Variants in ZC2HC1B observed in about 807,000 individuals in gnomAD.
ZC2HC1B encodes the protein zinc finger C2HC domain-containing protein 1B.
In ZC2HC1B, 36 loss-of-function variants were observed where a neutral mutation model predicts 31.0. The observed-to-expected ratio is 1.16, with a 90% CI of 0.89 to 1.54. ZC2HC1B has a LOEUF of 1.54. Ranked by LOEUF, ZC2HC1B falls within the 40% of genes most tolerant of loss-of-function variation. ZC2HC1B has a pLI of 0.00. For synonymous variants in ZC2HC1B, 73 were observed against 88.0 expected, an observed-to-expected ratio of 0.83 and a Z score of 0.95; for missense variants, 260 against 268.6, an observed-to-expected ratio of 0.97 and a Z score of 0.22.
intron 4 of ZC2HC1B, among the ~76,000 whole-genome samples, chr6:143,892,085 A>G (rs140214429): frequency 7.2e-4 from 110 of 152,294 alleles, no homozygotes; most frequent in Non-Finnish European, 1.2e-3. Flanking sequence ...TGCTATAAAG[A>G]AATACCTGAG....
intron 1 of ZC2HC1B, among the ~76,000 whole-genome samples, chr6:143,877,408 G>A (rs544969936): frequency 2.1e-5 from 3 of 144,112 alleles, no homozygotes; most frequent in South Asian, 2.3e-4. Context: ...TCAGCCTCCT[G>A]AGTAGCTGGA....
Position 143,865,815 on chromosome 6 carries a change from T to A in ZC2HC1B, c.28+1248T>A, listed in dbSNP as rs554311926. 1.3e-5 allele frequency among the ~76,000 whole-genome samples: 2 copies of A among 152,118 alleles called. No individual in the cohort carries two copies. Among genetic ancestry groups the A allele is most frequent in the Non-Finnish European group, 2.9e-5 (2 of 68,002 alleles). On this transcript the variant is annotated intron_variant, in intron 1 of 7. Transcript: ENST00000237275. This position sits in a 1 kb window ranked among gnomAD's most constrained non-coding sequence, Gnocchi z 4.4. ...GGCAAAATCTTGAAGAATTTGTATC[T>A]TAAACTTTTTTTTTTTGCCAAGACA...
Position 143,899,206 on chromosome 6 carries a change from C to T in ZC2HC1B, c.489+515C>T, listed in dbSNP as rs940505463. Among the ~76,000 whole-genome samples the T allele has an allele frequency of 6.6e-5, 10 of 152,186 alleles. No individual in the cohort carries two copies. Among genetic ancestry groups the T allele is most frequent in the African/African-American group, 2.2e-4 (9 of 41,448 alleles). On this transcript the variant is annotated intron_variant, in intron 5 of 7. Coordinates refer to ENST00000237275, the MANE Select transcript of ZC2HC1B (RefSeq NM_001013623.3). This position sits in a 1 kb window ranked among gnomAD's most constrained non-coding sequence, Gnocchi z 5.0. Reference sequence around the variant, plus strand: ...TAGGTGCAAATCAGTAAAATAACAACCTGAAGTGGAAGACAGTAGATTTAT... The same window carrying T: ...TAGGTGCAAATCAGTAAAATAACAATCTGAAGTGGAAGACAGTAGATTTAT...
chr6:143,881,210 G>A (rs1436438559), intron 1 of ZC2HC1B, among the ~76,000 whole-genome samples: 1 of 152,172 alleles, frequency 6.6e-6, no homozygotes, highest in African/African-American at 2.4e-5. Context: ...AGATGGGCTC[G>A]TTTCACCCAG....
intron 6 of ZC2HC1B, among the ~76,000 whole-genome samples, chr6:143,907,128 TGTATG>T (rs1157346932): frequency 6.6e-6 from 1 of 152,242 alleles, no homozygotes; most frequent in Admixed American, 6.5e-5. Flanking sequence ...TTTTTATGGC[TGTATG>T]GTATTCCATG....
chr6:143,906,201 A>C (rs1288454698), intron 6 of ZC2HC1B, among the ~76,000 whole-genome samples: 1 of 152,070 alleles, frequency 6.6e-6, no homozygotes, highest in Non-Finnish European at 1.5e-5. Context: ...TATTAATTCT[A>C]TCTCCTTACT....
intron 4 of ZC2HC1B, among the ~76,000 whole-genome samples, chr6:143,889,499 T>C (rs1460150984): frequency 2.6e-5 from 4 of 151,820 alleles, no homozygotes; most frequent in Non-Finnish European, 1.5e-5. Flanking sequence ...GGAAAAGATA[T>C]ACATGCAGAC....
At chr6:143,888,190 T>C (rs993508048) in intron 4 of ZC2HC1B, among the ~76,000 whole-genome samples, 3 of 152,120 alleles carry the variant, frequency 2.0e-5, no homozygotes, top group Non-Finnish European at 2.9e-5. Flanking sequence ...CTTGGCACCA[T>C]TATCAAAAGT....
At position 143,871,932 on chromosome 6, in the gene ZC2HC1B, G is replaced by A. The variant is rs1191461133; in HGVS notation, c.28+7365G>A. 6.6e-6 allele frequency among the ~76,000 whole-genome samples: 1 copy of A among 152,130 alleles called. No homozygotes were observed. The highest frequency in any genetic ancestry group is 6.5e-5 in the Admixed American group (1 of 15,278). ...ACCCACTGTAATTCGGACCTGAGCT[G>A]AAACTCCATTATTACCTGACCTCCA... On this transcript the variant is annotated intron_variant, in intron 1 of 7. Coordinates refer to ENST00000237275, the MANE Select transcript of ZC2HC1B (RefSeq NM_001013623.3). This position sits in a 1 kb window ranked among gnomAD's most constrained non-coding sequence, Gnocchi z 4.1.
rs1188998492 is a variant in ZC2HC1B, at chr6:143,887,487, A to G, written c.349+666A>G. On this transcript the variant is annotated intron_variant, in intron 4 of 7. Transcript: ENST00000237275. The surrounding 1 kb of genome is among the most constrained non-coding windows in gnomAD (Gnocchi z 5.1). ...AATCACAATACTATTATCACACTTG[A>G]TATATATTAATATGTTTTCCCAATT... Among the ~76,000 whole-genome samples, 6 of 152,194 alleles carry G rather than the reference A, an allele frequency of 3.9e-5. No homozygotes were observed. Among genetic ancestry groups the G allele is most frequent in the African/African-American group, 1.2e-4 (5 of 41,544 alleles).
rs759603133 is a variant in ZC2HC1B at position 143,887,366 on chromosome 6, T to C, written c.349+545T>C. 6.6e-6 allele frequency among the ~76,000 whole-genome samples: 1 copy of C among 152,218 alleles called. No homozygotes were observed. The highest frequency in any genetic ancestry group is 2.1e-4 in the South Asian group (1 of 4,834). On this transcript the variant is annotated intron_variant, in intron 4 of 7. Coordinates refer to ENST00000237275, the MANE Select transcript of ZC2HC1B (RefSeq NM_001013623.3). The surrounding 1 kb of genome is among the most constrained non-coding windows in gnomAD (Gnocchi z 5.1). The stretch of plus-strand genomic sequence containing the variant: ...CCATAATTTCTCCTTTATCTTTTTT[T>C]CTTTGGCAGAACCATTTAAAAGTAA...
chr6:143,937,734 G>A lies in ZC2HC1B; in HGVS notation c.*14+1G>A, dbSNP rs1778195233. 2.6e-6 allele frequency: 4 copies of A among 1,538,910 alleles called. No individual in the cohort carries two copies. Among genetic ancestry groups the A allele is most frequent in the Non-Finnish European group, 3.5e-6 (4 of 1,142,574 alleles). The stretch of plus-strand genomic sequence containing the variant: ...AAAAAGATTAACTCCTAGAAGCCAG[G>A]TAAGAAAAAAAAATCACCGCTAATC... On this transcript the variant is annotated splice_donor_variant, in intron 7 of 7. Coordinates refer to ENST00000237275, the MANE Select transcript of ZC2HC1B (RefSeq NM_001013623.3). LOFTEE classifies it low-confidence loss of function (3UTR_SPLICE).
intron 6 of ZC2HC1B, among the ~76,000 whole-genome samples, chr6:143,935,646 CTTTT>C (rs759896830): frequency 1.0e-3 from 57 of 55,834 alleles, no homozygotes; most frequent in African/African-American, 3.4e-3. Context: ...TGGTATCACT[CTTTT>C]TTTTTTTTTT....
intron 1 of ZC2HC1B, among the ~76,000 whole-genome samples, chr6:143,866,670 C>G (rs1328939381): frequency 6.6e-6 from 1 of 152,186 alleles, no homozygotes; most frequent in African/African-American, 2.4e-5. Context: ...CCTCTTGTAA[C>G]TTTACTGTTA....
intron 6 of ZC2HC1B, among the ~76,000 whole-genome samples, chr6:143,914,174 ATTG>A (rs1777891297): frequency 6.6e-6 from 1 of 151,610 alleles, no homozygotes; most frequent in African/African-American, 2.4e-5. Flanking sequence ...GCAAAATTGG[ATTG>A]TTGATTTGAG....
At chr6:143,937,507 C>A in intron 6 of ZC2HC1B, 142 bp from the exon 7 acceptor site, 17 of 516,664 alleles carry the variant, frequency 3.3e-5, no homozygotes, top group Non-Finnish European at 4.3e-5. Context: ...TCATTGCCCT[C>A]CCCACCACAC....
In ZC2HC1B at chr6:143,911,739, A is replaced by G. The variant is rs1777859213; in HGVS notation, c.598+8587A>G. 6.6e-6 allele frequency among the ~76,000 whole-genome samples: 1 copy of G among 151,950 alleles called. No homozygotes were observed. The highest frequency in any genetic ancestry group is 1.5e-5 in the Non-Finnish European group (1 of 67,990). On this transcript the variant is annotated intron_variant, in intron 6 of 7. Coordinates refer to ENST00000237275, the MANE Select transcript of ZC2HC1B (RefSeq NM_001013623.3). The surrounding 1 kb of genome is among the most constrained non-coding windows in gnomAD (Gnocchi z 4.5). ...TTCAATCTTGAAGAATCTGATTATT[A>G]TGTGTCTTGGGGATGATCTTCTCAG...
At chr6:143,927,737 TC>T (rs1332830950) in intron 6 of ZC2HC1B, among the ~76,000 whole-genome samples, 1 of 152,210 alleles carries the variant, frequency 6.6e-6, no homozygotes. Flanking sequence ...ATAGAAGTTG[TC>T]TAATTTACAT....
At position 143,934,214 on chromosome 6, in the gene ZC2HC1B, C is replaced by T. The variant is rs994025702; in HGVS notation, c.599-3435C>T. ...AACTTACGAATTTTCACCTGTCTTG[C>T]AGAATTTGCAATAGCCTGCCACTTC... On this transcript the variant is annotated intron_variant, in intron 6 of 7. Transcript: ENST00000237275. The surrounding 1 kb of genome is among the most constrained non-coding windows in gnomAD (Gnocchi z 4.6). 3.9e-5 allele frequency among the ~76,000 whole-genome samples: 6 copies of T among 152,222 alleles called. No individual in the cohort carries two copies. The highest frequency in any genetic ancestry group is 4.1e-4 in the South Asian group (2 of 4,834).
Sources: allele counts gnomAD v4.1 joint callset (sites outside exome capture counted in the v4.1 genomes callset), GRCh38; gene constraint gnomAD v4.1.1; non-coding constraint Gnocchi (gnomAD v3.1); transcripts MANE v1.5; gene names NCBI Gene and HGNC (gene_info 2026-07-23, HGNC 2026-07-21).